Variants in C2CD3 observed in about 807,000 individuals in gnomAD.
C2CD3 encodes the protein C2 domain-containing protein 3.
C2CD3 carries 148 observed loss-of-function variants against 234.0 expected under a neutral mutation model. The observed-to-expected ratio is 0.63, with a 90% CI of 0.55 to 0.72. The LOEUF (loss-of-function observed/expected upper bound fraction) is 0.72. Among genes scored for constraint, C2CD3 ranks in the 30% least tolerant of loss-of-function variants. The pLI is 0.00. For synonymous variants in C2CD3, 1,000 were observed against 1,035.4 expected, an observed-to-expected ratio of 0.97 and a Z score of 0.66; for missense variants, 2,577 against 2,811.5, an observed-to-expected ratio of 0.92 and a Z score of 1.89.
At chr11:74,022,871 CT>C (rs1163501064) in intron 32 of C2CD3, among the ~76,000 whole-genome samples, 2 of 152,236 alleles carry the variant, frequency 1.3e-5, no homozygotes, top group African/African-American at 2.4e-5. Context: ...CACCCCTTTT[CT>C]TTTTGCAGAG....
intron 20 of C2CD3, among the ~76,000 whole-genome samples, chr11:74,088,244 A>C (rs1376851748): frequency 6.6e-6 from 1 of 152,212 alleles, no homozygotes; most frequent in Non-Finnish European, 1.5e-5. Flanking sequence ...TAATTTTTAC[A>C]CTGATCCCTA....
chr11:74,024,659 A>T (rs112285568), intron 32 of C2CD3, among the ~76,000 whole-genome samples: 36 of 152,344 alleles, frequency 2.4e-4, no homozygotes, highest in African/African-American at 7.9e-4. Context: ...CAATCTTTTT[A>T]AAAAATGTAA....
intron 28 of C2CD3, among the ~76,000 whole-genome samples, chr11:74,045,733 G>C (rs893338508): frequency 6.6e-6 from 1 of 151,798 alleles, no homozygotes; most frequent in African/African-American, 2.4e-5. Context: ...CACTATGCCT[G>C]GCTAATTTTT....
At chr11:74,127,631 TTTA>T (rs1463930958) in intron 7 of C2CD3, among the ~76,000 whole-genome samples, 1 of 152,176 alleles carries the variant, frequency 6.6e-6, no homozygotes, top group Non-Finnish European at 1.5e-5. Flanking sequence ...GTTTAAAAAT[TTTA>T]TTGTTTTCTG....
chr11:74,016,137 C>T (rs902597056), intron 32 of C2CD3, among the ~76,000 whole-genome samples: 69 of 152,348 alleles, frequency 4.5e-4, no homozygotes, highest in African/African-American at 1.4e-3. Flanking sequence ...ATCTAATCAA[C>T]TTGATCAACT....
chr11:74,056,027 C>T (rs1953934859), intron 25 of C2CD3, among the ~76,000 whole-genome samples: 1 of 152,242 alleles, frequency 6.6e-6, no homozygotes, highest in Non-Finnish European at 1.5e-5. Context: ...ATATGAAGTA[C>T]TCTGGCCACT....
chr11:74,170,064 T>C (rs1857065192), intron 1 of C2CD3, among the ~76,000 whole-genome samples: 1 of 152,114 alleles, frequency 6.6e-6, no homozygotes, highest in African/African-American at 2.4e-5. Flanking sequence ...GCAGCTAACA[T>C]CCCCTACTCG....
At chr11:74,056,059 T>C (rs374652084) in intron 25 of C2CD3, among the ~76,000 whole-genome samples, 1 of 152,202 alleles carries the variant, frequency 6.6e-6, no homozygotes, top group East Asian at 1.9e-4. Flanking sequence ...TTCTATAATT[T>C]CCAGTAGCTC....
intron 29 of C2CD3, among the ~76,000 whole-genome samples, chr11:74,039,032 T>TA (rs1251809498): frequency 1.3e-5 from 2 of 152,224 alleles, no homozygotes; most frequent in Non-Finnish European, 2.9e-5. Context: ...AGTTGATCCT[T>TA]ATTCTATCAC....
At chr11:74,090,644 C>T (rs1019046450) in intron 20 of C2CD3, among the ~76,000 whole-genome samples, 169 bp downstream of exon 20, 8 of 152,096 alleles carry the variant, frequency 5.3e-5, no homozygotes, top group Non-Finnish European at 8.8e-5. Flanking sequence ...AAAATAGCAA[C>T]GTTTGCAAGT....
chr11:74,078,792 C>T, intron 22 of C2CD3, 75 bp from the exon 23 acceptor site: 1 of 1,349,220 alleles, frequency 7.4e-7, no homozygotes, highest in Non-Finnish European at 1.0e-6. Flanking sequence ...CTCTCCACCC[C>T]ATAGTGTCCT....
chr11:74,164,236 C>T, intron 2 of C2CD3: 1 of 961,082 alleles, frequency 1.0e-6, no homozygotes, highest in Non-Finnish European at 1.2e-6. Flanking sequence ...TTCCTACTAA[C>T]TGAATCCTAT....
chr11:74,140,484 T>G (rs1958018219), intron 3 of C2CD3, among the ~76,000 whole-genome samples: 1 of 152,202 alleles, frequency 6.6e-6, no homozygotes, highest in Admixed American at 6.5e-5. Flanking sequence ...GCTAAGTTCC[T>G]CATATAGAGA....
intron 3 of C2CD3, among the ~76,000 whole-genome samples, chr11:74,148,447 A>G (rs934112496): frequency 3.6e-4 from 54 of 151,694 alleles, no homozygotes; most frequent in African/African-American, 1.3e-3. Flanking sequence ...TGTATATAAG[A>G]TATATGTGTG....
chr11:74,163,666 C>T (rs768833479), intron 2 of C2CD3, among the ~76,000 whole-genome samples: 5 of 152,148 alleles, frequency 3.3e-5, no homozygotes, highest in Non-Finnish European at 7.3e-5. Flanking sequence ...TGTAAGTTTC[C>T]TGAGGCCTCC....
intron 26 of C2CD3, 96 bp downstream of exon 26, chr11:74,054,507 GAAAA>G (rs869085401): frequency 8.2e-3 from 2,240 of 273,462 alleles, no homozygotes; most frequent in East Asian, 1.0e-2. Flanking sequence ...ACTTGGTTTG[GAAAA>G]AAAAAAAAAA....
At chr11:74,070,128 GTA>G (rs1222471765) in intron 24 of C2CD3, among the ~76,000 whole-genome samples, 1 of 152,164 alleles carries the variant, frequency 6.6e-6, no homozygotes, top group Non-Finnish European at 1.5e-5. Flanking sequence ...TGTCTCATTT[GTA>G]AAACAGGGCT....
chr11:74,034,734 G>A lies in C2CD3; in HGVS notation c.5882-456C>T, dbSNP rs1952658476. ...ATCACCCATATGATAAGGCAGGGAA[G>A]ATTTACACAGAAAATAGAAGCAGCA... On this transcript the variant is annotated intron_variant, in intron 30 of 32. Coordinates refer to ENST00000334126, the MANE Select transcript of C2CD3 (RefSeq NM_001286577.2). 5.1e-6 allele frequency: 4 copies of A among 791,976 alleles called. No individual in the cohort carries two copies. In the South Asian group the frequency reaches 6.0e-5, roughly 12 times the overall value. The allele number at this position is 791,976 out of a possible 1,614,324, so 49.1% of individuals were successfully genotyped here.
At chr11:74,054,347 TGATC>T (rs1387513181) in intron 26 of C2CD3, among the ~76,000 whole-genome samples, 1 of 151,538 alleles carries the variant, frequency 6.6e-6, no homozygotes, top group African/African-American at 2.4e-5. Flanking sequence ...GAGACTGAGA[TGATC>T]ATGCCACTGT....
Sources: allele counts gnomAD v4.1 joint callset (sites outside exome capture counted in the v4.1 genomes callset), GRCh38; gene constraint gnomAD v4.1.1; transcripts MANE v1.5; gene names NCBI Gene and HGNC (gene_info 2026-07-23, HGNC 2026-07-21).